The following SLCO1A2 variants were observed in gnomAD, a reference collection of about 807,000 sequenced individuals.
SLCO1A2 encodes OATP-1.
Under a neutral mutation model 69.0 loss-of-function variants are expected in SLCO1A2, and 67 were observed. The observed-to-expected ratio is 0.97, with a 90% CI of 0.80 to 1.19. The LOEUF is 1.19. Among genes scored for constraint, SLCO1A2 ranks in the 50% most tolerant of loss-of-function variants. The pLI is 0.00. For synonymous variants in SLCO1A2, 260 were observed against 265.9 expected, an observed-to-expected ratio of 0.98 and a Z score of 0.22; for missense variants, 787 against 793.7, an observed-to-expected ratio of 0.99 and a Z score of 0.10.
chr12:21,305,817 C>T (rs1433667177), intron 5 of SLCO1A2, among the ~76,000 whole-genome samples: 2 of 152,224 alleles, frequency 1.3e-5, no homozygotes, highest in Non-Finnish European at 2.9e-5. Flanking sequence ...TTTCCTGACT[C>T]AATGATGGTC....
intron 12 of SLCO1A2, among the ~76,000 whole-genome samples, chr12:21,281,652 C>A (rs1356698659): frequency 1.3e-5 from 2 of 151,744 alleles, no homozygotes; most frequent in Non-Finnish European, 2.9e-5. Context: ...AACTGATGAC[C>A]CTTTAGCCAA....
At chr12:21,292,375 C>A (rs1293166015) in intron 11 of SLCO1A2, 39 bp from the exon 12 acceptor site, 3 of 1,538,380 alleles carry the variant, frequency 2.0e-6, no homozygotes, top group African/African-American at 2.7e-5. Flanking sequence ...AAGTAAAAAT[C>A]TTGAACACAA....
At chr12:21,289,892 C>A (rs1038685715) in intron 12 of SLCO1A2, among the ~76,000 whole-genome samples, 5 of 152,048 alleles carry the variant, frequency 3.3e-5, no homozygotes, top group Admixed American at 2.6e-4. Flanking sequence ...ACTAGAATTG[C>A]ATGGAACAGT....
At chr12:21,385,186 A>G (rs1459839212) in intron 1 of SLCO1A2, among the ~76,000 whole-genome samples, 1 of 152,162 alleles carries the variant, frequency 6.6e-6, no homozygotes, top group Admixed American at 6.5e-5. Context: ...TTTACGTGAA[A>G]GCTAGGAGGC....
intron 1 of SLCO1A2, among the ~76,000 whole-genome samples, chr12:21,407,753 G>A (rs1941843738): frequency 6.6e-6 from 1 of 151,416 alleles, no homozygotes; most frequent in Non-Finnish European, 1.5e-5. Context: ...ACTGCAGTGA[G>A]CCAAGATTGT....
chr12:21,383,219 G>C (rs1940697779), intron 1 of SLCO1A2, among the ~76,000 whole-genome samples: 1 of 152,098 alleles, frequency 6.6e-6, no homozygotes, highest in Non-Finnish European at 1.5e-5. Flanking sequence ...AACACTGAAA[G>C]ATTGCTGGTA....
At chr12:21,354,229 C>A (rs1938186929) in intron 2 of SLCO1A2, among the ~76,000 whole-genome samples, 1 of 152,194 alleles carries the variant, frequency 6.6e-6, no homozygotes, top group African/African-American at 2.4e-5. Context: ...GGACACTGTG[C>A]CGACAATTAT....
chr12:21,373,324 T>A, intron 2 of SLCO1A2: 1 of 1,490,770 alleles, frequency 6.7e-7, no homozygotes, highest in Non-Finnish European at 9.4e-7. Flanking sequence ...CAGTGCTGGA[T>A]TATTCTTTGC....
At chr12:21,362,773 A>C (rs1939025006) in intron 2 of SLCO1A2, among the ~76,000 whole-genome samples, 1 of 152,230 alleles carries the variant, frequency 6.6e-6, no homozygotes, top group Non-Finnish European at 1.5e-5. Flanking sequence ...AACAGACTTT[A>C]AACCAATAAA....
intron 2 of SLCO1A2, among the ~76,000 whole-genome samples, chr12:21,340,660 A>T (rs534274192): frequency 6.6e-6 from 1 of 152,050 alleles, no homozygotes; most frequent in South Asian, 2.1e-4. Context: ...TCCACTTGCC[A>T]TTGGATCCTC....
intron 3 of SLCO1A2, among the ~76,000 whole-genome samples, chr12:21,318,084 A>G (rs1342950360): frequency 6.6e-6 from 1 of 151,386 alleles, no homozygotes; most frequent in Admixed American, 6.6e-5. Context: ...AATTTCCTTG[A>G]TCTCCAACAA....
chr12:21,378,452 G>T (rs748342316), intron 1 of SLCO1A2: 7 of 1,568,984 alleles, frequency 4.5e-6, no homozygotes, highest in Non-Finnish European at 4.4e-6. Context: ...TATAGTTATT[G>T]TTTTATGTTC....
Position 21,267,860 on chromosome 12 carries a change from A to G in SLCO1A2, c.*1688T>C, listed in dbSNP as rs531599288. 1 of 152,186 alleles carries G rather than the reference A, an allele frequency of 6.6e-6. No homozygotes were observed. Among genetic ancestry groups the G allele is most frequent in the East Asian group, 1.9e-4 (1 of 5,160 alleles). 9.4% of individuals were successfully genotyped at this position (152,186 alleles called of 1,614,324 possible). A position where few individuals can be genotyped will look rare whatever the true frequency, so the allele number is the denominator to read the frequency against. On this transcript the variant is annotated 3_prime_UTR_variant, in exon 15 of 15. Coordinates refer to ENST00000683939, the MANE Select transcript of SLCO1A2 (RefSeq NM_001386879.1). ...AAGTGGCTCCAAATTTCATGTCATC[A>G]GATCTTAATACGATATCTCACTGCT... is the stretch of plus-strand genomic sequence containing the variant.
chr12:21,419,403 T>G (rs1309281151), upstream of SLCO1A2: 2 of 153,418 alleles, frequency 1.3e-5, no homozygotes, highest in African/African-American at 4.8e-5. Context: ...ATTGCCTCAC[T>G]TGGGAAGCAC....
upstream of SLCO1A2, among the ~76,000 whole-genome samples, chr12:21,335,852 G>A (rs569877576): frequency 2.0e-5 from 3 of 152,126 alleles, no homozygotes; most frequent in Non-Finnish European, 4.4e-5. Flanking sequence ...ATGGTGCTAC[G>A]CACCAGCATT....
At chr12:21,318,310 G>A (rs55820200) in intron 3 of SLCO1A2, among the ~76,000 whole-genome samples, 13,723 of 151,880 alleles carry the variant, frequency 0.09, 867 homozygotes, top group Non-Finnish European at 0.13. Context: ...TAGCAGAGAC[G>A]GGGTTTCACC....
chr12:21,366,467 C>T (rs914442965), intron 2 of SLCO1A2, among the ~76,000 whole-genome samples: 1 of 152,068 alleles, frequency 6.6e-6, no homozygotes, highest in Non-Finnish European at 1.5e-5. Context: ...ACGGGTGCAG[C>T]ACACCAACAT....
At chr12:21,302,442 C>T (rs1258229905) in intron 6 of SLCO1A2, among the ~76,000 whole-genome samples, 1 of 152,068 alleles carries the variant, frequency 6.6e-6, no homozygotes, top group African/African-American at 2.4e-5. Context: ...TTCTCCTATT[C>T]TATTTACTAA....
chr12:21,294,819 G>A (rs935339062), intron 10 of SLCO1A2: 2 of 152,126 alleles, frequency 1.3e-5, no homozygotes, highest in Admixed American at 1.3e-4. Flanking sequence ...TCTGTAAAGT[G>A]GAGATAATAA....
Sources: allele counts gnomAD v4.1 joint callset (sites outside exome capture counted in the v4.1 genomes callset), GRCh38; gene constraint gnomAD v4.1.1; transcripts MANE v1.5; gene names NCBI Gene and HGNC (gene_info 2026-07-23, HGNC 2026-07-21).